RGS5: variants seen among roughly 807,000 people sequenced by gnomAD.
The protein encoded by RGS5 is regulator of G protein signaling 5, also known as regulator of G-protein signalling 5.
Under a neutral mutation model 18.9 loss-of-function variants are expected in RGS5, and 20 were observed. The ratio of observed to expected loss-of-function variants is 1.06; its 90% CI spans 0.74 to 1.54. The LOEUF is 1.54. Ranked by LOEUF, RGS5 falls within the 40% of genes most tolerant of loss-of-function variation. The pLI, the probability that RGS5 is intolerant of heterozygous loss-of-function variation, is 0.00. For synonymous variants in RGS5, 57 were observed against 76.2 expected, an observed-to-expected ratio of 0.75 and a Z score of 1.31; for missense variants, 201 against 211.8, an observed-to-expected ratio of 0.95 and a Z score of 0.32.
At chr1:163,166,768 TTC>T (rs1658072452) in intron 2 of RGS5, among the ~76,000 whole-genome samples, 1 of 152,354 alleles carries the variant, frequency 6.6e-6, no homozygotes, top group Non-Finnish European at 1.5e-5. Context: ...CCAGAACAGC[TTC>T]TCTCTGAATC....
intron 2 of RGS5, among the ~76,000 whole-genome samples, chr1:163,289,713 T>C (rs1258748965): frequency 6.6e-6 from 1 of 152,200 alleles, no homozygotes; most frequent in African/African-American, 2.4e-5. Context: ...TCTGATTATA[T>C]AATTTCATTA....
chr1:163,209,206 A>G (rs993702796), intron 1 of RGS5, among the ~76,000 whole-genome samples: 2 of 152,234 alleles, frequency 1.3e-5, no homozygotes, highest in African/African-American at 4.8e-5. Flanking sequence ...ATACAAATTG[A>G]AATTACAGAG....
At chr1:163,228,437 C>T (rs1414642766) in intron 2 of RGS5, among the ~76,000 whole-genome samples, 1 of 152,204 alleles carries the variant, frequency 6.6e-6, no homozygotes, top group Non-Finnish European at 1.5e-5. Flanking sequence ...GTTGGAGTGG[C>T]TGGGATGCAG....
At chr1:163,306,255 G>A (rs1288635527) in exon 2 of RGS5, 2 of 152,218 alleles carry the variant, frequency 1.3e-5, no homozygotes, top group Non-Finnish European at 2.9e-5. Context: ...GAGACCCGAA[G>A]TGTCACCAAT....
rs1430971077 is a variant in RGS5, at chr1:163,217,525, C to G, written c.69+1G>C. 1 of 1,535,208 alleles carries G rather than the reference C, an allele frequency of 6.5e-7. No individual in the cohort carries two copies. The highest frequency in any genetic ancestry group is 8.8e-7 in the Non-Finnish European group (1 of 1,142,022). ...TATTTAAGACTAATATTTGTACATA[C>G]ATTGATATGCCAATGAGCACTGTGC... On this transcript the variant is annotated splice_donor_variant, in intron 1 of 5. Coordinates refer to the RGS5 transcript ENST00000367903. LOFTEE classifies it high-confidence loss of function.
intron 1 of RGS5, among the ~76,000 whole-genome samples, chr1:163,187,143 GC>G (rs1232884942): frequency 1.3e-5 from 2 of 152,108 alleles, no homozygotes; most frequent in Non-Finnish European, 2.9e-5. Flanking sequence ...AAACATCAGG[GC>G]CCAATCTGGA....
intron 1 of RGS5, among the ~76,000 whole-genome samples, chr1:163,199,613 G>GTT (rs766590681): frequency 6.6e-6 from 1 of 152,032 alleles, no homozygotes; most frequent in Non-Finnish European, 1.5e-5. Flanking sequence ...CTAATAAAGA[G>GTT]TTGCTGTCAA....
Position 163,196,002 on chromosome 1 carries a change from C to T in RGS5, c.44+6790G>A, listed in dbSNP as rs549935267. On this transcript the variant is annotated intron_variant, in intron 1 of 4. Coordinates refer to ENST00000313961, the MANE Select transcript of RGS5 (RefSeq NM_003617.4). Reference sequence around the variant, plus strand: ...CTACCCCGCCACACTGCAATTCAAGCGCTGGTCTTGAGGCAGGGGAGAGAC... The same window carrying T: ...CTACCCCGCCACACTGCAATTCAAGTGCTGGTCTTGAGGCAGGGGAGAGAC... 5.9e-5 allele frequency among the ~76,000 whole-genome samples: 9 copies of T among 152,216 alleles called. No homozygotes were observed. In the East Asian group the frequency reaches 1.5e-3, roughly 26 times the overall value.
intron 2 of RGS5, among the ~76,000 whole-genome samples, chr1:163,235,274 ATCT>A (rs1461391549): frequency 6.6e-6 from 1 of 152,174 alleles, no homozygotes; most frequent in Non-Finnish European, 1.5e-5. Context: ...TCTCAAGCAC[ATCT>A]TCTCTGATAC....
intron 2 of RGS5, among the ~76,000 whole-genome samples, chr1:163,250,023 T>A (rs149030122): frequency 6.6e-6 from 1 of 152,174 alleles, no homozygotes; most frequent in Non-Finnish European, 1.5e-5. Context: ...TAGACTAATA[T>A]GGGCTTGAGG....
chr1:163,278,637 A>G (rs1648920249), intron 2 of RGS5, among the ~76,000 whole-genome samples: 1 of 152,132 alleles, frequency 6.6e-6, no homozygotes, highest in Non-Finnish European at 1.5e-5. Flanking sequence ...AGAAAGGAAT[A>G]AGAAATATAT....
intron 1 of RGS5, among the ~76,000 whole-genome samples, chr1:163,188,129 AG>A (rs1229282686): frequency 6.6e-6 from 1 of 152,164 alleles, no homozygotes; most frequent in East Asian, 1.9e-4. Flanking sequence ...CACTGCACTC[AG>A]TTACTAAAAG....
intron 1 of RGS5, among the ~76,000 whole-genome samples, chr1:163,178,826 C>T (rs896041725): frequency 2.0e-5 from 3 of 152,076 alleles, no homozygotes; most frequent in Non-Finnish European, 4.4e-5. Flanking sequence ...GTGAAGTTTC[C>T]ATTACAGAAG....
chr1:163,254,468 T>C lies in RGS5; in HGVS notation c.-281+51765A>G, dbSNP rs1204904559. Among the ~76,000 whole-genome samples, 8 of 150,894 alleles carry C rather than the reference T, an allele frequency of 5.3e-5. No homozygotes were observed. In the South Asian group the frequency reaches 1.1e-3, roughly 20 times the overall value. The stretch of plus-strand genomic sequence containing the variant: ...TGTCTTCTTTTGAGAAGTGTCTGTT[T>C]ATGTCCTTCGCCCACTTTTTGATGG... On this transcript the variant is annotated intron_variant, in intron 2 of 5. Transcript: ENST00000618415.
At chr1:163,200,362 C>A (rs1216754645) in intron 1 of RGS5, among the ~76,000 whole-genome samples, 1 of 152,006 alleles carries the variant, frequency 6.6e-6, no homozygotes, top group Non-Finnish European at 1.5e-5. Flanking sequence ...GTATTTGTTG[C>A]CCTAATTTAT....
intron 2 of RGS5, 110 bp from the exon 3 acceptor site, chr1:163,162,086 T>C (rs954862025): frequency 1.3e-6 from 1 of 775,792 alleles, no homozygotes; most frequent in Non-Finnish European, 2.3e-6. Flanking sequence ...ATATGACTGC[T>C]GGTCTATCCT....
intron 2 of RGS5, among the ~76,000 whole-genome samples, chr1:163,253,748 C>T (rs1571320942): frequency 6.6e-6 from 1 of 151,520 alleles, no homozygotes; most frequent in East Asian, 1.9e-4. Context: ...GTGCTGCACC[C>T]ATTAACTCGT....
chr1:163,178,723 A>C (rs189862633), intron 1 of RGS5, among the ~76,000 whole-genome samples: 1 of 152,324 alleles, frequency 6.6e-6, no homozygotes, highest in East Asian at 1.9e-4. Flanking sequence ...ACATACACAC[A>C]CACAAAGATT....
intron 1 of RGS5, among the ~76,000 whole-genome samples, chr1:163,201,709 A>C (rs1659776133): frequency 1.3e-5 from 2 of 152,290 alleles, no homozygotes; most frequent in South Asian, 4.1e-4. Flanking sequence ...AATTATTTTT[A>C]GGTTATTTCT....
Sources: gnomAD v4.1 joint callset for allele counts (sites outside exome capture counted in the v4.1 genomes callset) on GRCh38, gnomAD v4.1.1 for gene constraint, MANE v1.5 for transcripts, NCBI Gene and HGNC (gene_info 2026-07-23, HGNC 2026-07-21) for gene names.